The following CCDC33 variants were observed in gnomAD, a reference collection of about 807,000 sequenced individuals.
CCDC33 encodes coiled-coil domain containing 33, also known as coiled-coil domain-containing protein 33.
CCDC33 carries 94 observed loss-of-function variants against 91.9 expected under a neutral mutation model. The ratio of observed to expected loss-of-function variants is 1.02; its 90% CI spans 0.87 to 1.21. The LOEUF (loss-of-function observed/expected upper bound fraction) is 1.21, where lower values mean the gene tolerates loss of function less well. Among genes scored for constraint, CCDC33 ranks in the 50% most tolerant of loss-of-function variants. The probability of loss-of-function intolerance (pLI) is 0.00; values close to 1 mark genes in which losing one functional copy is unlikely to be tolerated. For missense variants in CCDC33, 940 were observed against 935.5 expected (o/e 1.00, Z -0.06); for synonymous variants, 396 against 374.5 (o/e 1.06, Z -0.66).
At chr15:74,296,423 G>A (rs1238261226) in intron 11 of CCDC33, among the ~76,000 whole-genome samples, 6 of 152,094 alleles carry the variant, frequency 3.9e-5, no homozygotes, top group East Asian at 1.9e-4. Context: ...TCGGGAGTTC[G>A]AGACCAGCCT....
At chr15:74,291,787 G>A (rs1010937843) in intron 10 of CCDC33, among the ~76,000 whole-genome samples, 2 of 152,224 alleles carry the variant, frequency 1.3e-5, no homozygotes, top group African/African-American at 4.8e-5. Context: ...GGGGAGGAGG[G>A]AGACAGGTGA....
intron 2 of CCDC33, among the ~76,000 whole-genome samples, chr15:74,253,346 AG>A (rs2075766956): frequency 6.6e-6 from 1 of 152,180 alleles, no homozygotes; most frequent in African/African-American, 2.4e-5. Flanking sequence ...CGTGGGTCCC[AG>A]GGTCACATGC....
rs1567209658 is a variant in CCDC33 at position 74,217,347 on chromosome 15, CTG to C, written c.77_78del (p.Leu26ArgfsTer12). ...GAGGCTGAAGGCCGAGGAGAAGACG[CTG>C]GATCTGGAGTTCGAAGTTTTGAGCG... On this transcript the variant is annotated frameshift_variant, in exon 1 of 3. Transcript: ENST00000635913. LOFTEE classifies it high-confidence loss of function. 1 of 1,290,120 alleles carries C rather than the reference CTG, an allele frequency of 7.8e-7. No homozygotes were observed. Among genetic ancestry groups the C allele is most frequent in the Admixed American group, 2.3e-5 (1 of 43,572 alleles). 79.9% of individuals were successfully genotyped at this position (1,290,120 alleles called of 1,614,324 possible).
intron 11 of CCDC33, among the ~76,000 whole-genome samples, chr15:74,322,333 T>C (rs2060224361): frequency 6.6e-6 from 1 of 152,174 alleles, no homozygotes. Flanking sequence ...TGGGTGGGCC[T>C]CGCTCTCTCC....
Position 74,331,252 on chromosome 15 carries a change from G to A in CCDC33, c.1727G>A (p.Ser576Asn). Residue 576 changes from serine (S) to asparagine (N), a missense_variant, in exon 15 of 19, where the codon AGC (serine) becomes AAC (asparagine). Ser to Asn is a conservative substitution (Grantham distance 46). Coordinates refer to ENST00000398814, the MANE Select transcript of CCDC33 (RefSeq NM_025055.5). Reference sequence around the variant, plus strand: ...CTGGAGGACAGGCTGCAGGACAGGAGCAAGCCCCCTCCTCTGAACAGGCAG... The same window carrying A: ...CTGGAGGACAGGCTGCAGGACAGGAACAAGCCCCCTCCTCTGAACAGGCAG... ...RVLEDRLQDR[S>N]KPPPLNRQQG... The A allele has an allele frequency of 6.2e-7, 1 of 1,614,070 alleles. No individual in the cohort carries two copies. Among genetic ancestry groups the A allele is most frequent in the East Asian group, 2.2e-5 (1 of 44,890 alleles).
chr15:74,273,030 G>A, intron 7 of CCDC33, 139 bp downstream of exon 7: 2 of 1,181,946 alleles, frequency 1.7e-6, no homozygotes, highest in South Asian at 1.5e-5. Context: ...CCAGTGCTGT[G>A]CTCGCCTGTG....
At chr15:74,262,719 T>A (rs1489181994) in intron 3 of CCDC33, 146 bp downstream of exon 3, 3 of 795,556 alleles carry the variant, frequency 3.8e-6, no homozygotes, top group Non-Finnish European at 5.7e-6. Context: ...TTAGAAAAAA[T>A]CATAATACTG....
chr15:74,235,288 G>A (rs573337605), upstream of CCDC33, among the ~76,000 whole-genome samples: 2 of 152,296 alleles, frequency 1.3e-5, no homozygotes, highest in East Asian at 3.9e-4. Flanking sequence ...CAAAGCCTCA[G>A]TTTTTCTGTC....
intron 11 of CCDC33, among the ~76,000 whole-genome samples, chr15:74,307,430 G>A (rs2059911386): frequency 6.6e-6 from 1 of 152,182 alleles, no homozygotes; most frequent in African/African-American, 2.4e-5. Context: ...CTTTGTGGGA[G>A]AGGAACCTGC....
chr15:74,265,653 C>G (rs4887123), intron 3 of CCDC33, among the ~76,000 whole-genome samples: 45,164 of 152,098 alleles, frequency 0.3, 7,646 homozygotes, highest in South Asian at 0.43. Flanking sequence ...ATAGTAGATA[C>G]TCACTAAATA....
intron 1 of CCDC33, among the ~76,000 whole-genome samples, chr15:74,238,157 TG>T (rs1396557919): frequency 6.6e-6 from 1 of 151,470 alleles, no homozygotes; most frequent in African/African-American, 2.4e-5. Flanking sequence ...CCAGGCCTGG[TG>T]TCTCACTCCT....
At chr15:74,324,872 A>C (rs1263392136) in intron 11 of CCDC33, among the ~76,000 whole-genome samples, 46 of 50,622 alleles carry the variant, frequency 9.1e-4, no homozygotes, top group Admixed American at 2.2e-3. Context: ...CTCATCCCCC[A>C]CCTCCTCCTT....
At chr15:74,242,717 T>G (rs2075386656) in intron 1 of CCDC33, among the ~76,000 whole-genome samples, 2 of 151,842 alleles carry the variant, frequency 1.3e-5, no homozygotes, top group Admixed American at 1.3e-4. Context: ...AGCCGGCCAG[T>G]GGAGGACCAG....
rs969152679 is a variant in CCDC33, at chr15:74,209,567, C to A, written n.236+33C>A. On this transcript the variant is annotated intron_variant and non_coding_transcript_variant, in intron 2 of 3. Transcript: ENST00000558645. ...CTATTCCCAGGGGAAGTGAAAAAGG[C>A]CCCCTCGGAGCTTTCTCTTCTATTT... is the stretch of plus-strand genomic sequence containing the variant. 3.5e-4 allele frequency: 284 copies of A among 822,764 alleles called. 1 individual carries two copies. The East Asian group carries it at 7.6e-3, about 22-fold the overall frequency. 51.0% of individuals were successfully genotyped at this position (822,764 alleles called of 1,614,324 possible). A position where few individuals can be genotyped will look rare whatever the true frequency, so the allele number is the denominator to read the frequency against.
chr15:74,296,314 GA>G lies in CCDC33; in HGVS notation c.1290+369del, dbSNP rs769775738. Among the ~76,000 whole-genome samples, 13 of 152,272 alleles carry G rather than the reference GA, an allele frequency of 8.5e-5. No individual in the cohort carries two copies. In the South Asian group the frequency reaches 2.3e-3, roughly 27 times the overall value. On this transcript the variant is annotated intron_variant, in intron 11 of 18. Transcript: ENST00000398814. The stretch of plus-strand genomic sequence containing the variant: ...AGATTCATTTTAGCTTATAACAGGA[GA>G]AACTGGGGCTCAAAAAAAGAGGACA...
intron 2 of CCDC33, among the ~76,000 whole-genome samples, chr15:74,225,117 CGT>C (rs3057568): frequency 0.24 from 33,791 of 139,574 alleles, 4,204 homozygotes; most frequent in Middle Eastern, 0.36. Context: ...CTCCTGGAGG[CGT>C]GTGTGTGTGT....
intron 2 of CCDC33, among the ~76,000 whole-genome samples, chr15:74,229,323 T>A (rs1595894889): frequency 6.6e-6 from 1 of 152,080 alleles, no homozygotes; most frequent in East Asian, 1.9e-4. Context: ...TGAAACCCAG[T>A]CTCTACTAAA....
At chr15:74,283,199 A>C (rs2059402176) in intron 10 of CCDC33, among the ~76,000 whole-genome samples, 1 of 152,192 alleles carries the variant, frequency 6.6e-6, no homozygotes, top group Non-Finnish European at 1.5e-5. Context: ...AAACCCCAAG[A>C]AAGAGGCACC....
At chr15:74,290,079 C>A (rs1360403099) in intron 10 of CCDC33, among the ~76,000 whole-genome samples, 3 of 152,144 alleles carry the variant, frequency 2.0e-5, no homozygotes, top group Non-Finnish European at 2.9e-5. Context: ...TTCTGAAAAC[C>A]CAACCACCTT....
Sources: gnomAD v4.1 joint callset for allele counts (sites outside exome capture counted in the v4.1 genomes callset) on GRCh38, gnomAD v4.1.1 for gene constraint, MANE v1.5 for transcripts, NCBI Gene and HGNC (gene_info 2026-07-23, HGNC 2026-07-21) for gene names.